The following RELN variants were observed in gnomAD, a reference collection of about 807,000 sequenced individuals.
The protein encoded by RELN is reelin.
RELN carries 108 observed loss-of-function variants against 427.6 expected under a neutral mutation model. The ratio of observed to expected loss-of-function variants is 0.25; its 90% confidence interval spans 0.22 to 0.30. RELN has a LOEUF of 0.30. Ranked by LOEUF, RELN falls within the 10% of genes least tolerant of loss-of-function variation. RELN has a pLI of 1.00. For missense variants in RELN, 3,715 were observed against 4,302.8 expected (o/e 0.86, Z 3.82); for synonymous variants, 1,524 against 1,513.4 (o/e 1.01, Z -0.16).
intron 7 of RELN, 60 bp downstream of exon 7, chr7:103,728,051 T>G: frequency 6.4e-7 from 1 of 1,553,456 alleles, no homozygotes; most frequent in East Asian, 2.3e-5. Context: ...AAAACTTTTG[T>G]TGGCAAAAAG....
chr7:103,598,343 G>A (rs1831587091), intron 24 of RELN, among the ~76,000 whole-genome samples: 1 of 152,128 alleles, frequency 6.6e-6, no homozygotes, highest in African/African-American at 2.4e-5. Flanking sequence ...TTTTCCTGTT[G>A]TTGATTTGAA....
In RELN at chr7:103,650,261, C is replaced by G; in HGVS notation, c.2002+13G>C. 6 of 1,452,340 alleles carry G rather than the reference C, an allele frequency of 4.1e-6. No homozygotes were observed. Among genetic ancestry groups the G allele is most frequent in the Non-Finnish European group, 5.8e-6 (6 of 1,032,798 alleles). The allele number at this position is 1,452,340 out of a possible 1,614,324, so 90.0% of individuals were successfully genotyped here. A position where few individuals can be genotyped will look rare whatever the true frequency, so the allele number is the denominator to read the frequency against. ...ATCAATGGCATGTGATTATGACAGG[C>G]ATAAACACTAACCATTATCAATTGC... On this transcript the variant is annotated intron_variant, in intron 16 of 64. Transcript: ENST00000428762.
intron 4 of RELN, among the ~76,000 whole-genome samples, chr7:103,773,100 T>TTCCTTCCTTCCTTCC (rs1791611584): frequency 7.8e-6 from 1 of 128,590 alleles, no homozygotes; most frequent in African/African-American, 3.1e-5. Flanking sequence ...GGTTCTCCTC[T>TTCCTTCCTTCCTTCC]TTTCTTTCTT....
intron 2 of RELN, among the ~76,000 whole-genome samples, chr7:103,862,647 G>A (rs753857308): frequency 4.0e-5 from 6 of 151,870 alleles, no homozygotes; most frequent in Non-Finnish European, 8.8e-5. Flanking sequence ...CATATGATGG[G>A]TCTTCATTAC....
intron 56 of RELN, 121 bp from the exon 57 acceptor site, chr7:103,496,019 TCTA>T: frequency 2.0e-6 from 2 of 996,984 alleles, no homozygotes; most frequent in South Asian, 1.3e-5. Flanking sequence ...ATTTTTATGC[TCTA>T]CTAGCTTTCT....
rs368780622 is a variant in RELN, at chr7:103,601,604, G to GT, written c.3333+1699dup. Among the ~76,000 whole-genome samples, 664 of 152,258 alleles carry GT rather than the reference G, an allele frequency of 4.4e-3. 7 individuals carry two copies. The highest frequency in any genetic ancestry group is 0.015 in the African/African-American group (633 of 41,552). ...TGGCTATATTACCTGCTTGAAAGAA[G>GT]TGATATTACACACTCCACATTCCAA... On this transcript the variant is annotated intron_variant, in intron 24 of 64. Transcript: ENST00000428762.
At chr7:103,816,566 C>CACACACACACACACA (rs1304995965) in intron 3 of RELN, among the ~76,000 whole-genome samples, 26 of 150,840 alleles carry the variant, frequency 1.7e-4, no homozygotes, top group East Asian at 1.2e-3. Context: ...CACACACACA[C>CACACACACACACACA]AACTAAGGCC....
chr7:103,502,241 C>T (rs982677692), intron 52 of RELN, among the ~76,000 whole-genome samples: 4 of 152,166 alleles, frequency 2.6e-5, no homozygotes, highest in Non-Finnish European at 5.9e-5. Context: ...TCTTTAGATA[C>T]ATTCCAGAAA....
chr7:103,715,600 T>C (rs546509411), intron 8 of RELN, among the ~76,000 whole-genome samples: 43 of 152,300 alleles, frequency 2.8e-4, no homozygotes, highest in African/African-American at 9.9e-4. Flanking sequence ...GACCACAGGA[T>C]ATAAAATGAA....
At chr7:103,572,607 A>G (rs1231646580) in intron 30 of RELN, among the ~76,000 whole-genome samples, 1 of 151,178 alleles carries the variant, frequency 6.6e-6, no homozygotes, top group East Asian at 2.0e-4. Flanking sequence ...CGTGATCTCG[A>G]CTCACTGCAA....
In RELN at chr7:103,870,207, A is replaced by G. The variant is rs1794296699; in HGVS notation, c.338-36535T>C. Among the ~76,000 whole-genome samples the G allele has an allele frequency of 4.6e-5, 7 of 152,176 alleles. No homozygotes were observed. In the South Asian group the frequency reaches 1.5e-3, roughly 32 times the overall value. On this transcript the variant is annotated intron_variant, in intron 2 of 64. Transcript: ENST00000428762. The stretch of plus-strand genomic sequence containing the variant: ...TTGTACCTATGTATAATATCTTTAA[A>G]GTCTTTGTTAAATTCAGCATCTGGG...
intron 6 of RELN, among the ~76,000 whole-genome samples, chr7:103,736,073 A>G (rs621223): frequency 0.52 from 78,586 of 152,060 alleles, 20,476 homozygotes; most frequent in African/African-American, 0.55. Context: ...TGAGGTGTGA[A>G]CTTGCAAAGC....
intron 4 of RELN, among the ~76,000 whole-genome samples, chr7:103,769,676 C>T (rs1432808214): frequency 6.6e-6 from 1 of 152,186 alleles, no homozygotes; most frequent in Non-Finnish European, 1.5e-5. Context: ...CCTCTGACAT[C>T]CAGAACCTGG....
In RELN at chr7:103,654,235, G is replaced by A. The variant is rs1161044277; in HGVS notation, c.1442-30C>T. The A allele has an allele frequency of 2.7e-6, 3 of 1,106,766 alleles. No individual in the cohort carries two copies. In the South Asian group the frequency reaches 3.7e-5, roughly 14 times the overall value. The allele number at this position is 1,106,766 out of a possible 1,614,324, so 68.6% of individuals were successfully genotyped here. ...ACAAAACAAAAATTTTAAGTTGCTA[G>A]TACCAACTAGCATCCATAAACATAT... On this transcript the variant is annotated intron_variant, in intron 12 of 64. Transcript: ENST00000428762.
chr7:103,572,434 C>A (rs1015019983), intron 30 of RELN, among the ~76,000 whole-genome samples, 174 bp from the exon 31 acceptor site: 3 of 152,064 alleles, frequency 2.0e-5, no homozygotes, highest in Non-Finnish European at 4.4e-5. Context: ...AATTCTGTAA[C>A]CATTTAGAAG....
At chr7:103,776,015 G>T (rs1161950091) in intron 4 of RELN, among the ~76,000 whole-genome samples, 1 of 152,194 alleles carries the variant, frequency 6.6e-6, no homozygotes, top group Admixed American at 6.5e-5. Flanking sequence ...CTTTTTCATT[G>T]TGCTGTGTTT....
Position 103,561,526 on chromosome 7 carries a change from T to G in RELN, c.5529+6A>C. 6.2e-7 allele frequency: 1 copy of G among 1,606,776 alleles called. No homozygotes were observed. On this transcript the variant is annotated splice_donor_region_variant and intron_variant, in intron 36 of 64. Transcript: ENST00000428762. ...GTTGGGAAGGAGAATCTTATCTGTA[T>G]CTGACCCCTTTAAAAATTAGAGATG... is the stretch of plus-strand genomic sequence containing the variant.
rs1320156458 is a variant in RELN at position 103,563,381 on chromosome 7, T to A, written c.5211-1428A>T. ...AATAATGTGTATTTTTGTGTCTAAG[T>A]TTTTAAGAAAGAAGTTTTCAAAGTT... On this transcript the variant is annotated intron_variant, in intron 34 of 64. Coordinates refer to ENST00000428762, the MANE Select transcript of RELN (RefSeq NM_005045.4). This position sits in a 1 kb window ranked among gnomAD's most constrained non-coding sequence, Gnocchi z 4.1. 6.6e-6 allele frequency among the ~76,000 whole-genome samples: 1 copy of A among 152,220 alleles called. No homozygotes were observed.
At chr7:103,952,777 AATC>A (rs2116768157) in intron 1 of RELN, among the ~76,000 whole-genome samples, 1 of 152,356 alleles carries the variant, frequency 6.6e-6, no homozygotes, top group East Asian at 1.9e-4. Flanking sequence ...TTGCATTTAA[AATC>A]ATTATATTGT....
Sources: gnomAD v4.1 joint callset for allele counts (sites outside exome capture counted in the v4.1 genomes callset) on GRCh38, gnomAD v4.1.1 for gene constraint, Gnocchi (gnomAD v3.1) non-coding constraint, MANE v1.5 for transcripts, NCBI Gene and HGNC (gene_info 2026-07-23, HGNC 2026-07-21) for gene names.